Variants in PDIA2 observed in about 807,000 individuals in gnomAD.
PDIA2 encodes the protein protein disulfide-isomerase A2.
A neutral mutation model predicts 51.1 loss-of-function variants in PDIA2; 76 were observed. That is an observed-to-expected ratio of 1.49 (90% CI 1.24 to 1.80). The LOEUF (loss-of-function observed/expected upper bound fraction) is 1.80. PDIA2 is among the 40% of genes most tolerant of loss of function. PDIA2 has a pLI of 0.00. For missense variants in PDIA2, 946 were observed against 706.5 expected, an observed-to-expected ratio of 1.34 and a Z score of -3.84; for synonymous variants, 429 against 309.9, an observed-to-expected ratio of 1.38 and a Z score of -4.04.
rs945632406 is a variant in PDIA2, at chr16:283,945, A to C, written c.200-442A>C. Among the ~76,000 whole-genome samples, 16 of 152,064 alleles carry C rather than the reference A, an allele frequency of 1.1e-4. No individual in the cohort carries two copies. The Middle Eastern group carries it at 0.014, about 129-fold the overall frequency. ...AGTGGCCCTATCTCGGCTCACTGCA[A>C]CCTCCGCCTCCCAGGTTCAAGCAAT... is the stretch of plus-strand genomic sequence containing the variant. On this transcript the variant is annotated intron_variant, in intron 1 of 10. Transcript: ENST00000219406.
intron 4 of PDIA2, 30 bp downstream of exon 4, chr16:285,045 C>A: frequency 6.2e-7 from 1 of 1,613,196 alleles, no homozygotes; most frequent in Non-Finnish European, 8.5e-7. Context: ...GGGTTGGGGT[C>A]CGGCTGCAGC....
Position 286,317 on chromosome 16 carries a change from G to A in PDIA2, c.1120-36G>A, listed in dbSNP as rs756578824. On this transcript the variant is annotated intron_variant, in intron 7 of 10. Transcript: ENST00000219406. ...ACAGGACCTCCTGAACCCTGCAGAG[G>A]ACCCCTGGCAAAGCGCCTGTCCTGG... The A allele has an allele frequency of 9.5e-6, 15 of 1,575,352 alleles. No homozygotes were observed. The East Asian group carries it at 3.0e-4, about 31-fold the overall frequency.
chr16:285,951 C>T (rs1232036420), intron 7 of PDIA2, among the ~76,000 whole-genome samples: 12 of 109,856 alleles, frequency 1.1e-4, no homozygotes, highest in Non-Finnish European at 3.7e-5. Context: ...AACCCCAACC[C>T]CAACCCCGCG....
intron 1 of PDIA2, 30 bp downstream of exon 1, chr16:283,398 C>A (rs757703927): frequency 1.3e-5 from 20 of 1,539,540 alleles, no homozygotes. Context: ...GGGCTGGGGA[C>A]CGGCGGGGGA....
chr16:283,625 G>A (rs144603588), intron 1 of PDIA2, among the ~76,000 whole-genome samples: 9 of 152,324 alleles, frequency 5.9e-5, no homozygotes, highest in East Asian at 1.9e-4. Flanking sequence ...CAGCGGCCAC[G>A]GTGCCAGAGT....
At chr16:285,782 T>C (rs2052349364) in intron 7 of PDIA2, 79 bp downstream of exon 7, 1 of 1,466,576 alleles carries the variant, frequency 6.8e-7, no homozygotes, top group African/African-American at 1.4e-5. Context: ...GAACAGCAGC[T>C]CTCAGAGCCC....
intron 1 of PDIA2, chr16:284,068 ATGT>A (rs2052321298): frequency 4.8e-6 from 2 of 414,082 alleles, no homozygotes; most frequent in Non-Finnish European, 9.1e-6. Flanking sequence ...GGGTTTCTCC[ATGT>A]TGGTCAGGCT....
chr16:283,882 G>C (rs2052318232), intron 1 of PDIA2, among the ~76,000 whole-genome samples: 1 of 152,152 alleles, frequency 6.6e-6, no homozygotes, highest in Non-Finnish European at 1.5e-5. Context: ...TTTATTTTTT[G>C]AGATGGAGTT....
chr16:283,934 G>A (rs531567035), intron 1 of PDIA2, among the ~76,000 whole-genome samples: 11 of 152,192 alleles, frequency 7.2e-5, no homozygotes, highest in East Asian at 3.9e-4. Context: ...GCCCTATCTC[G>A]GCTCACTGCA....
Position 286,690 on chromosome 16 carries a change from C to T in PDIA2, c.1377C>T (p.His459=), listed in dbSNP as rs367916352. 6.9e-5 allele frequency: 112 copies of T among 1,612,328 alleles called. No homozygotes were observed. The highest frequency in any genetic ancestry group is 1.6e-4 in the Middle Eastern group (1 of 6,084). Reference sequence around the variant, plus strand: ...ACGAGCTGGATGCCTTCGCTGTGCACGGCTTCCCTACTCTCAAGTACTTCC... The same window carrying T: ...ACGAGCTGGATGCCTTCGCTGTGCATGGCTTCCCTACTCTCAAGTACTTCC... ...TANELDAFAV[H]GFPTLKYFPA... The change falls in exon 9 of 11, where the codon CAC becomes CAT. Residue 459 remains histidine, a synonymous_variant. Coordinates refer to ENST00000219406, the MANE Select transcript of PDIA2 (RefSeq NM_006849.4).
intron 7 of PDIA2, 40 bp downstream of exon 7, chr16:285,743 C>T (rs368415305): frequency 8.2e-6 from 13 of 1,589,072 alleles, no homozygotes; most frequent in African/African-American, 8.1e-5. Context: ...GGAACCCTGA[C>T]CTCATCCCAC....
chr16:287,139 ACTG>A lies in PDIA2; in HGVS notation c.*30_*32del. 1.9e-6 allele frequency: 3 copies of A among 1,611,818 alleles called. No individual in the cohort carries two copies. The highest frequency in any genetic ancestry group is 2.5e-6 in the Non-Finnish European group (3 of 1,179,216). On this transcript the variant is annotated 3_prime_UTR_variant, in exon 11 of 11. Coordinates refer to ENST00000219406, the MANE Select transcript of PDIA2 (RefSeq NM_006849.4). ...CTGCCCCCGTGTCACCCCCGCCATC[ACTG>A]CTGGACAGGAGCCACCCCCTTGGGT... is the stretch of plus-strand genomic sequence containing the variant.
At chr16:286,515 G>T in intron 8 of PDIA2, 39 bp from the exon 9 acceptor site, 1 of 1,612,684 alleles carries the variant, frequency 6.2e-7, no homozygotes, top group Non-Finnish European at 8.5e-7. Flanking sequence ...GCTGGGCAGG[G>T]GCTGCCCAGA....
At position 284,886 on chromosome 16, in the gene PDIA2, G is replaced by C. The variant is rs1489141451; in HGVS notation, c.549G>C (p.Gln183His). Residue 183 changes from glutamine (Q) to histidine (H), a missense_variant, in exon 4 of 11, where the codon CAG becomes CAC. Transcript: ENST00000219406. ...AGGGCCAGGCCCCTCAGGACCTGCA[G>C]GACGAGGACGTGGCCACCTTCTTGG... ...LVVIGFFQDL[Q>H]DEDVATFLAL... 2 of 1,612,472 alleles carry C rather than the reference G, an allele frequency of 1.2e-6. No homozygotes were observed. The highest frequency in any genetic ancestry group is 2.7e-5 in the African/African-American group (2 of 74,938).
rs781206700 is a variant in PDIA2, at chr16:285,442, T to TG, written c.921+11dup. The TG allele has an allele frequency of 3.5e-6, 4 of 1,156,934 alleles. No individual in the cohort carries two copies. Among genetic ancestry groups the TG allele is most frequent in the Non-Finnish European group, 4.8e-6 (4 of 831,128 alleles). The allele number at this position is 1,156,934 out of a possible 1,614,324, so 71.7% of individuals were successfully genotyped here. A position where few individuals can be genotyped will look rare whatever the true frequency, so the allele number is the denominator to read the frequency against. On this transcript the variant is annotated splice_donor_region_variant and intron_variant, in intron 6 of 10. Coordinates refer to ENST00000219406, the MANE Select transcript of PDIA2 (RefSeq NM_006849.4). ...GCTCCCCGCTTCCGGGGGCAGGTAC[T>TG]GGGGGGCTGGGGGAAAGGGGCAGCG...
chr16:285,632 G>A lies in PDIA2; in HGVS notation c.1048G>A (p.Val350Met), dbSNP rs2052346368. 4 of 1,613,372 alleles carry A rather than the reference G, an allele frequency of 2.5e-6. No homozygotes were observed. The highest frequency in any genetic ancestry group is 3.4e-6 in the Non-Finnish European group (4 of 1,179,970). ...NLETTKKYAP[V>M]DGGPVTAASI... ...TGAAACCACTAAGAAGTATGCGCCT[G>A]TGGATGGGGGCCCTGTCACCGCAGC... Residue 350 changes from valine to methionine, a missense_variant, in exon 7 of 11, where the codon GTG (valine) becomes ATG (methionine). Physicochemically the swap from Val to Met is conservative, Grantham distance 21. Coordinates refer to ENST00000219406, the MANE Select transcript of PDIA2 (RefSeq NM_006849.4).
intron 1 of PDIA2, chr16:284,114 C>T (rs959885468): frequency 1.9e-4 from 101 of 529,610 alleles, no homozygotes; most frequent in Non-Finnish European, 3.0e-4. Flanking sequence ...GTGATATGCC[C>T]GCCTCTGCCT....
chr16:285,162 A>T lies in PDIA2; in HGVS notation c.757A>T (p.Thr253Ser). ...DLGDLSRFLVTHSMRLVTEFN... is the reference protein window; with the variant it reads ...DLGDLSRFLVSHSMRLVTEFN... The stretch of plus-strand genomic sequence containing the variant: ...GGGGGATCTGTCGCGCTTCCTGGTC[A>T]CACACAGCATGCGCCTGGTCACGGA... Residue 253 changes from threonine to serine, a missense_variant, in exon 5 of 11, where the codon ACA (threonine) becomes TCA (serine). Coordinates refer to ENST00000219406, the MANE Select transcript of PDIA2 (RefSeq NM_006849.4). The T allele has an allele frequency of 1.2e-6, 2 of 1,612,836 alleles. No homozygotes were observed. The highest frequency in any genetic ancestry group is 1.7e-6 in the Non-Finnish European group (2 of 1,179,984).
Position 283,301 on chromosome 16 carries a change from C to G in PDIA2, c.132C>G (p.Ile44Met). Reference sequence around the variant, plus strand: ...AGGAAATCCCCAAGGAGGATGGGATCTTGGTGCTGAGCCGCCACACCCTGG... The same window carrying G: ...AGGAAATCCCCAAGGAGGATGGGATGTTGGTGCTGAGCCGCCACACCCTGG... ...PEEEIPKEDG[I>M]LVLSRHTLGL... The change falls in exon 1 of 11, where the codon ATC becomes ATG. Residue 44 changes from isoleucine to methionine, a missense_variant. Physicochemically the swap from Ile to Met is conservative, Grantham distance 10 (BLOSUM62 1). Coordinates refer to ENST00000219406, the MANE Select transcript of PDIA2 (RefSeq NM_006849.4). 3 of 1,611,062 alleles carry G rather than the reference C, an allele frequency of 1.9e-6. No individual in the cohort carries two copies. Among genetic ancestry groups the G allele is most frequent in the Non-Finnish European group, 2.5e-6 (3 of 1,179,226 alleles).
Sources: allele counts gnomAD v4.1 joint callset (sites outside exome capture counted in the v4.1 genomes callset), GRCh38; gene constraint gnomAD v4.1.1; transcripts MANE v1.5; gene names NCBI Gene and HGNC (gene_info 2026-07-23, HGNC 2026-07-21).